Variants in ZSCAN5B observed in about 807,000 individuals in gnomAD.
ZSCAN5B encodes zinc finger and SCAN domain containing 5B.
Under a neutral mutation model 25.2 loss-of-function variants are expected in ZSCAN5B, and 26 were observed. That is an observed-to-expected ratio of 1.03 (90% confidence interval 0.76 to 1.43). The LOEUF is 1.43. ZSCAN5B is among the 40% of genes most tolerant of loss of function. The pLI is 0.00. For synonymous variants in ZSCAN5B, 244 were observed against 240.9 expected (o/e 1.01, Z -0.12); for missense variants, 745 against 622.1 (o/e 1.20, Z -2.10).
exon 1 of ZSCAN5B, chr19:56,197,783 C>G (rs981648688): frequency 1.0e-6 from 1 of 985,410 alleles, no homozygotes; most frequent in Non-Finnish European, 1.2e-6. Context: ...ATGCGCTCTC[C>G]AACCGGCCTG....
chr19:56,191,896 C>T lies in ZSCAN5B; in HGVS notation c.542G>A (p.Arg181Gln), dbSNP rs1244662861. The T allele has an allele frequency of 2.5e-6, 4 of 1,614,064 alleles. No homozygotes were observed. The highest frequency in any genetic ancestry group is 1.7e-5 in the Admixed American group (1 of 60,026). The change falls in exon 3 of 5, where the codon CGA becomes CAA. Residue 181 changes from arginine to glutamine, a missense_variant. Transcript: ENST00000586855. ...GACCCTGGGCAGGATCTGCTGCTCT[C>T]GGCGGGCCTGGCCTGTCCCCGGATG...
rs192204188 is a variant in ZSCAN5B, at chr19:56,190,280, A to T, written c.1035T>A (p.Asp345Glu). 1.1e-4 allele frequency: 174 copies of T among 1,614,210 alleles called. No individual in the cohort carries two copies. In the African/African-American group the frequency reaches 1.2e-3, roughly 11 times the overall value. Residue 345 changes from aspartate to glutamate, a missense_variant, in exon 5 of 5, where the codon GAT becomes GAA. Asp to Glu is a conservative substitution (Grantham distance 45, BLOSUM62 2). Coordinates refer to ENST00000586855, the Ensembl canonical transcript of ZSCAN5B. ...GCGGCAGGGCCTTGGCTTCTTGGCCATCTGGGTGACTGACCGGGCCCGCAG... is the reference window on the plus strand; with the variant it reads ...GCGGCAGGGCCTTGGCTTCTTGGCCTTCTGGGTGACTGACCGGGCCCGCAG...
At chr19:56,197,341 G>C (rs887837589) in intron 1 of ZSCAN5B, among the ~76,000 whole-genome samples, 1 of 151,632 alleles carries the variant, frequency 6.6e-6, no homozygotes. Flanking sequence ...GGGTTCAAAC[G>C]ACTCTCCTGA....
At chr19:56,189,842 T>C in exon 5 of ZSCAN5B, 1 of 1,608,230 alleles carries the variant, frequency 6.2e-7, no homozygotes, top group Non-Finnish European at 8.5e-7. Context: ...GGGAGGTGGT[T>C]TCCCGGTGTG....
At chr19:56,190,798 G>C (rs4801295) in intron 4 of ZSCAN5B, 39 bp downstream of exon 4, 63,519 of 1,598,690 alleles carry the variant, frequency 0.04, 3,281 homozygotes, top group East Asian at 0.24. Flanking sequence ...CCCCAGAAGA[G>C]AGGGACTAAC....
exon 3 of ZSCAN5B, chr19:56,191,949 G>A: frequency 1.2e-6 from 2 of 1,613,986 alleles, no homozygotes; most frequent in Non-Finnish European, 1.7e-6. Context: ...AGGCCCACTG[G>A]CTGGACACGT....
At chr19:56,190,674 C>G in intron 4 of ZSCAN5B, 99 bp from the exon 5 acceptor site, 1 of 1,552,330 alleles carries the variant, frequency 6.4e-7, no homozygotes, top group Non-Finnish European at 8.7e-7. Context: ...TGAGAACTTC[C>G]CCTCAACCTC....
At chr19:56,189,919 G>T in exon 5 of ZSCAN5B, 2 of 1,614,014 alleles carry the variant, frequency 1.2e-6, no homozygotes, top group Non-Finnish European at 1.7e-6. Context: ...CATTTGTAGG[G>T]CTTCTCTCCG....
chr19:56,190,225 A>T, exon 5 of ZSCAN5B: 1 of 1,613,978 alleles, frequency 6.2e-7, no homozygotes, highest in East Asian at 2.2e-5. Context: ...AAATACTTAA[A>T]TGATTTATTG....
Position 56,189,936 on chromosome 19 carries a change from G to T in ZSCAN5B, c.1379C>A (p.Thr460Asn), listed in dbSNP as rs1213460961. ...TTTGTAGGGCTTCTCTCCGGAGTGG[G>T]TGCGCTGGTGAACGTTCAGGTTCCC... Residue 460 changes from threonine (T) to asparagine (N), a missense_variant, in exon 5 of 5, where the codon ACC (threonine) becomes AAC (asparagine). By Grantham distance (65) the Thr-to-Asn change is moderately conservative. Coordinates refer to ENST00000586855, the Ensembl canonical transcript of ZSCAN5B. The T allele has an allele frequency of 2.5e-6, 4 of 1,613,918 alleles. No individual in the cohort carries two copies. In the South Asian group the frequency reaches 3.3e-5, roughly 13 times the overall value.
At chr19:56,197,833 G>A in exon 1 of ZSCAN5B, 1 of 985,350 alleles carries the variant, frequency 1.0e-6, no homozygotes, top group Non-Finnish European at 1.2e-6. Context: ...CGGGACTCCA[G>A]GCCGCGTTTC....
exon 2 of ZSCAN5B, chr19:56,193,154 A>G: frequency 2.2e-5 from 29 of 1,327,872 alleles, no homozygotes; most frequent in Non-Finnish European, 2.9e-5. Context: ...TCTTCTCAGT[A>G]ATATATTCAC....
At position 56,190,405 on chromosome 19, in the gene ZSCAN5B, A is replaced by T. The variant is rs892183; in HGVS notation, c.910T>A (p.Ser304Thr). Residue 304 changes from serine to threonine, a missense_variant, in exon 5 of 5, where the codon TCC becomes ACC. Ser to Thr is a moderately conservative substitution (Grantham distance 58). Transcript: ENST00000586855. Reference sequence around the variant, plus strand: ...TGAGGCTCTTCTTGGGAAATGGAGGAGGCATCTGGTTTGCTTCTTTTGGGA... The same window carrying T: ...TGAGGCTCTTCTTGGGAAATGGAGGTGGCATCTGGTTTGCTTCTTTTGGGA... 5,497 of 1,613,904 alleles carry T rather than the reference A, an allele frequency of 3.4e-3. 176 individuals are homozygous for T. The East Asian group carries it at 0.084, about 25-fold the overall frequency.
intron 4 of ZSCAN5B, 96 bp from the exon 5 acceptor site, chr19:56,190,671 T>A: frequency 6.4e-7 from 1 of 1,554,472 alleles, no homozygotes. Flanking sequence ...GGCTGAGAAC[T>A]TCCCCTCAAC....
intron 2 of ZSCAN5B, 100 bp from the exon 3 acceptor site, chr19:56,192,153 T>C (rs549082240): frequency 8.9e-7 from 1 of 1,119,802 alleles, no homozygotes; most frequent in South Asian, 1.5e-5. Context: ...CTGTAATTAA[T>C]GTTCAAATCT....
chr19:56,192,327 C>T (rs117860677), intron 2 of ZSCAN5B, among the ~76,000 whole-genome samples: 1 of 152,298 alleles, frequency 6.6e-6, no homozygotes, highest in Non-Finnish European at 1.5e-5. Flanking sequence ...TGGCCAATGG[C>T]AGCTCACCTT....
At position 56,190,079 on chromosome 19, in the gene ZSCAN5B, C is replaced by A. The variant is rs771771953; in HGVS notation, c.1236G>T (p.Met412Ile). The A allele has an allele frequency of 1.2e-6, 2 of 1,613,986 alleles. No individual in the cohort carries two copies. The highest frequency in any genetic ancestry group is 2.2e-5 in the East Asian group (1 of 44,874). ...CGAACCGCTTTTGGCAGACGTCACACATGTAGGGCCTCTCGCCAGTGTGGA... is the reference window on the plus strand; with the variant it reads ...CGAACCGCTTTTGGCAGACGTCACAAATGTAGGGCCTCTCGCCAGTGTGGA... Residue 412 changes from methionine (M) to isoleucine (I), a missense_variant, in exon 5 of 5, where the codon ATG becomes ATT. Transcript: ENST00000586855.
At chr19:56,192,638 T>C in intron 2 of ZSCAN5B, 31 bp downstream of exon 2, 1 of 1,584,706 alleles carries the variant, frequency 6.3e-7, no homozygotes, top group Non-Finnish European at 8.6e-7. Flanking sequence ...CAGCTCCCCT[T>C]CCCTGCACCA....
At chr19:56,195,895 C>T (rs2032803970) in intron 1 of ZSCAN5B, among the ~76,000 whole-genome samples, 1 of 152,060 alleles carries the variant, frequency 6.6e-6, no homozygotes, top group South Asian at 2.1e-4. Context: ...GTGTCTTGCT[C>T]TGTCACCCAG....
Sources: allele counts gnomAD v4.1 joint callset (sites outside exome capture counted in the v4.1 genomes callset), GRCh38; gene constraint gnomAD v4.1.1; transcripts MANE v1.5; gene names NCBI Gene and HGNC (gene_info 2026-07-23, HGNC 2026-07-21).